The following SPTB variants were observed in gnomAD, a reference collection of about 807,000 sequenced individuals.
SPTB encodes spectrin beta, erythrocytic.
SPTB carries 45 observed loss-of-function variants against 256.2 expected under a neutral mutation model. The observed-to-expected ratio is 0.18, with a 90% CI of 0.14 to 0.23. The LOEUF (loss-of-function observed/expected upper bound fraction) is 0.23. Among genes scored for constraint, SPTB ranks in the 10% least tolerant of loss-of-function variants. The pLI is 1.00. For missense variants in SPTB, 2,715 were observed against 3,040.4 expected (o/e 0.89, Z 2.52); for synonymous variants, 1,231 against 1,243.1 (o/e 0.99, Z 0.21).
Position 64,866,952 on chromosome 14 carries a change from G to C in SPTB, c.-52+12840C>G, listed in dbSNP as rs1040229109. On this transcript the variant is annotated intron_variant, in intron 1 of 35. Transcript: ENST00000644917. The surrounding 1 kb of genome is among the most constrained non-coding windows in gnomAD (Gnocchi z 4.6). ...CGTGGATCTGAAACGCCCACTCAAA[G>C]AGCCTTTCATAGCTGCATTCTGAGG... 2.0e-5 allele frequency among the ~76,000 whole-genome samples: 3 copies of C among 152,120 alleles called. No individual in the cohort carries two copies. The highest frequency in any genetic ancestry group is 7.2e-5 in the African/African-American group (3 of 41,414).
At chr14:64,834,377 A>G (rs1366401798) in intron 1 of SPTB, among the ~76,000 whole-genome samples, 1 of 150,974 alleles carries the variant, frequency 6.6e-6, no homozygotes, top group Non-Finnish European at 1.5e-5. Context: ...CTGTGTGGCA[A>G]AAGGGATGGG....
chr14:64,786,271 T>C lies in SPTB; in HGVS notation c.3561+133A>G. 1 of 1,302,342 alleles carries C rather than the reference T, an allele frequency of 7.7e-7. No individual in the cohort carries two copies. The highest frequency in any genetic ancestry group is 1.1e-6 in the Non-Finnish European group (1 of 909,934). 80.7% of individuals were successfully genotyped at this position (1,302,342 alleles called of 1,614,324 possible). Reference sequence around the variant, plus strand: ...AAGGCCCCTAATGAGAAACAAAGATTTCCCCCATGAGTGAATACAGAGTAC... The same window carrying C: ...AAGGCCCCTAATGAGAAACAAAGATCTCCCCCATGAGTGAATACAGAGTAC... On this transcript the variant is annotated intron_variant, in intron 16 of 35. Transcript: ENST00000644917. The surrounding 1 kb of genome is among the most constrained non-coding windows in gnomAD (Gnocchi z 5.6).
At position 64,796,970 on chromosome 14, in the gene SPTB, A is replaced by G. The variant is rs1381296174; in HGVS notation, c.1183-255T>C. Reference sequence around the variant, plus strand: ...AAACCTGCCTCAGACTCTTGGCCCAAAATAATGTTTTTCACCTCTCTGGAT... The same window carrying G: ...AAACCTGCCTCAGACTCTTGGCCCAGAATAATGTTTTTCACCTCTCTGGAT... On this transcript the variant is annotated intron_variant, in intron 10 of 35. Coordinates refer to ENST00000644917, the MANE Select transcript of SPTB (RefSeq NM_001355436.2). The surrounding 1 kb of genome is among the most constrained non-coding windows in gnomAD (Gnocchi z 4.1). 1.3e-5 allele frequency among the ~76,000 whole-genome samples: 2 copies of G among 152,140 alleles called. No homozygotes were observed. The highest frequency in any genetic ancestry group is 2.9e-5 in the Non-Finnish European group (2 of 68,024).
intron 1 of SPTB, among the ~76,000 whole-genome samples, chr14:64,837,455 T>C (rs772263905): frequency 1.3e-5 from 2 of 152,068 alleles, no homozygotes; most frequent in African/African-American, 2.4e-5. Flanking sequence ...TCTAAATAAA[T>C]AGGGAAATAT....
chr14:64,786,666 A>C lies in SPTB; in HGVS notation c.3299T>G (p.Leu1100Arg). ...ATCCTTGATACCTGCATGCTGCTGC[A>C]GGAGCTGCTCAGCCTCTGGGAGGGA... is the stretch of plus-strand genomic sequence containing the variant. Reference protein sequence around the residue: ...PESLPEAEQLLQQHAGIKDEI... With the variant: ...PESLPEAEQLRQQHAGIKDEI... Residue 1100 changes from leucine to arginine, a missense_variant, in exon 16 of 36, where the codon CTG becomes CGG. Around this residue, in one of 4 missense-constraint regions of SPTB, gnomAD observed 2,239 missense variants for 2,384.4 expected, o/e 0.94. Coordinates refer to ENST00000644917, the MANE Select transcript of SPTB (RefSeq NM_001355436.2). This position sits in a 1 kb window ranked among gnomAD's most constrained non-coding sequence, Gnocchi z 5.6. 1 of 1,614,128 alleles carries C rather than the reference A, an allele frequency of 6.2e-7. No homozygotes were observed.
At chr14:64,789,459 G>A (rs995864646) in intron 15 of SPTB, among the ~76,000 whole-genome samples, 1 of 152,038 alleles carries the variant, frequency 6.6e-6, no homozygotes, top group Non-Finnish European at 1.5e-5. Flanking sequence ...GGTGATAAGC[G>A]CAAAGAAAAA....
chr14:64,808,045 G>A (rs549175120), intron 2 of SPTB, among the ~76,000 whole-genome samples: 3 of 152,294 alleles, frequency 2.0e-5, no homozygotes, highest in Admixed American at 6.5e-5. Flanking sequence ...ACGGAGTCTC[G>A]CTCTGTTGCC....
chr14:64,805,845 T>C (rs1025333031), intron 2 of SPTB, among the ~76,000 whole-genome samples: 4 of 152,164 alleles, frequency 2.6e-5, no homozygotes, highest in African/African-American at 7.2e-5. Flanking sequence ...ACAGGATATG[T>C]AGAATGTATG....
rs2083201608 is a variant in SPTB at position 64,816,880 on chromosome 14, A to G, written c.148+6067T>C. ...GGCTTTTCCTGAGAGCCATAAACAC[A>G]GACAAGGCCTGGGGTCAGAGCTTGC... On this transcript the variant is annotated intron_variant, in intron 2 of 35. Transcript: ENST00000644917. This position sits in a 1 kb window ranked among gnomAD's most constrained non-coding sequence, Gnocchi z 4.2. Among the ~76,000 whole-genome samples, 1 of 152,216 alleles carries G rather than the reference A, an allele frequency of 6.6e-6. No homozygotes were observed. The highest frequency in any genetic ancestry group is 1.5e-5 in the Non-Finnish European group (1 of 68,032).
At position 64,802,282 on chromosome 14, in the gene SPTB, A is replaced by G; in HGVS notation, c.510T>C (p.Arg170=). 1 of 1,614,188 alleles carries G rather than the reference A, an allele frequency of 6.2e-7. No homozygotes were observed. Among genetic ancestry groups the G allele is most frequent in the Non-Finnish European group, 8.5e-7 (1 of 1,180,042 alleles). ...ACGCATCCTTGGCTGAGCGTGTTTC[A>G]CGACCTTCCTGAGTTTGGACCACAA... ...QDIVVQTQEG[R]ETRSAKDALL... is the part of the protein sequence containing the mutation. Residue 170 remains arginine (R), a synonymous_variant, in exon 5 of 36, where the codon CGT becomes CGC. Coordinates refer to ENST00000644917, the MANE Select transcript of SPTB (RefSeq NM_001355436.2). This position sits in a 1 kb window ranked among gnomAD's most constrained non-coding sequence, Gnocchi z 5.1.
Position 64,778,870 on chromosome 14 carries a change from AG to A in SPTB, c.4563+286del, listed in dbSNP as rs1241400093. ...ACTGAAGCACATCAACCTCCAGGCC[AG>A]GCCCCCGAGATCCTGCATTCACCTG... On this transcript the variant is annotated intron_variant, in intron 22 of 35. Transcript: ENST00000644917. The surrounding 1 kb of genome is among the most constrained non-coding windows in gnomAD (Gnocchi z 5.2). Among the ~76,000 whole-genome samples, 103 of 152,124 alleles carry A rather than the reference AG, an allele frequency of 6.8e-4. 1 individual carries two copies. The highest frequency in any genetic ancestry group is 2.6e-4 in the Non-Finnish European group (18 of 67,964).
intron 1 of SPTB, among the ~76,000 whole-genome samples, chr14:64,879,033 T>C (rs2139841821): frequency 6.6e-6 from 1 of 152,282 alleles, no homozygotes; most frequent in East Asian, 1.9e-4. Flanking sequence ...ACAGCTTCTG[T>C]TATTTCTCCC....
rs538422056 is a variant in SPTB at position 64,748,898 on chromosome 14, G to C, written c.*408C>G. On this transcript the variant is annotated 3_prime_UTR_variant, in exon 36 of 36. Coordinates refer to ENST00000644917, the MANE Select transcript of SPTB (RefSeq NM_001355436.2). ...CCGAAGCAAGACTTGCTTTAGGAAC[G>C]GGCAGCGTTTGAAGAACCCCATCAG... The C allele has an allele frequency of 6.8e-5, 12 of 177,392 alleles. No homozygotes were observed. The highest frequency in any genetic ancestry group is 1.2e-4 in the Non-Finnish European group (10 of 85,562). The allele number at this position is 177,392 out of a possible 1,614,324, so 11.0% of individuals were successfully genotyped here.
rs1280764867 is a variant in SPTB at position 64,764,093 on chromosome 14, G to C, written c.6345+2633C>G. Among the ~76,000 whole-genome samples, 2 of 152,248 alleles carry C rather than the reference G, an allele frequency of 1.3e-5. No homozygotes were observed. The highest frequency in any genetic ancestry group is 2.9e-5 in the Non-Finnish European group (2 of 68,038). Reference sequence around the variant, plus strand: ...GGGCACCGACACCAGACCACACACAGAGGACCAGCAGGAGAGCCACCATCC... The same window carrying C: ...GGGCACCGACACCAGACCACACACACAGGACCAGCAGGAGAGCCACCATCC... On this transcript the variant is annotated intron_variant, in intron 32 of 35. Transcript: ENST00000644917. This position sits in a 1 kb window ranked among gnomAD's most constrained non-coding sequence, Gnocchi z 4.2.
chr14:64,753,110 C>T (rs773935832), intron 33 of SPTB, among the ~76,000 whole-genome samples: 23 of 152,130 alleles, frequency 1.5e-4, no homozygotes, highest in Admixed American at 1.2e-3. Context: ...AAGCGGGGCT[C>T]GAACAAGGAT....
chr14:64,773,536 A>T, intron 24 of SPTB, 112 bp from the exon 25 acceptor site: 1 of 1,155,794 alleles, frequency 8.7e-7, no homozygotes, highest in Non-Finnish European at 1.3e-6. Context: ...ATAGGTAGGG[A>T]GTGAAGCTCT....
chr14:64,786,509 G>A lies in SPTB; in HGVS notation c.3456C>T (p.Ala1152=). ...RLEGLDTGWN[A]LGRMWESRSH... ...TGCGGCTCTCCCACATCCTGCCCAG[G>A]GCATTCCAGCCAGTATCCAGGCCCT... Residue 1152 remains alanine, a synonymous_variant, in exon 16 of 36, where the codon GCC becomes GCT. Transcript: ENST00000644917. This position sits in a 1 kb window ranked among gnomAD's most constrained non-coding sequence, Gnocchi z 5.6. The A allele has an allele frequency of 6.2e-7, 1 of 1,614,058 alleles. No individual in the cohort carries two copies. Among genetic ancestry groups the A allele is most frequent in the Non-Finnish European group, 8.5e-7 (1 of 1,180,008 alleles).
At position 64,774,341 on chromosome 14, in the gene SPTB, G is replaced by A. The variant is rs943674583; in HGVS notation, c.4973+56C>T. Reference sequence around the variant, plus strand: ...TAAATCTGAAGGGACGTTGGCTGGTGGGCCCCTGGCTCAATCCCCATCTCC... The same window carrying A: ...TAAATCTGAAGGGACGTTGGCTGGTAGGCCCCTGGCTCAATCCCCATCTCC... On this transcript the variant is annotated intron_variant, in intron 24 of 35. Coordinates refer to ENST00000644917, the MANE Select transcript of SPTB (RefSeq NM_001355436.2). 7.0e-5 allele frequency: 108 copies of A among 1,542,628 alleles called. 2 individuals are homozygous for A. The South Asian group carries it at 1.2e-3, about 17-fold the overall frequency.
chr14:64,817,501 G>C (rs1341594609), intron 2 of SPTB, among the ~76,000 whole-genome samples: 1 of 152,180 alleles, frequency 6.6e-6, no homozygotes, highest in Non-Finnish European at 1.5e-5. Flanking sequence ...GTTGGTTACG[G>C]GTACCTGGAG....
Sources: allele counts gnomAD v4.1 joint callset (sites outside exome capture counted in the v4.1 genomes callset), GRCh38; gene constraint gnomAD v4.1.1; regional missense constraint gnomAD v4.1.1; non-coding constraint Gnocchi (gnomAD v3.1); transcripts MANE v1.5; gene names NCBI Gene and HGNC (gene_info 2026-07-23, HGNC 2026-07-21).